CMYA5: variants seen among roughly 807,000 people sequenced by gnomAD.
CMYA5 encodes the protein cardiomyopathy associated 5.
CMYA5 carries 246 observed loss-of-function variants against 318.9 expected under a neutral mutation model. The observed-to-expected ratio is 0.77, with a 90% confidence interval of 0.70 to 0.86. The LOEUF (loss-of-function observed/expected upper bound fraction) is 0.86. Ranked by LOEUF, CMYA5 falls within the 40% of genes least tolerant of loss-of-function variation. The pLI is 0.00. For synonymous variants in CMYA5, 1,641 were observed against 1,729.5 expected (o/e 0.95, Z 1.27); for missense variants, 4,589 against 4,678.2 (o/e 0.98, Z 0.56).
rs189538613 is a variant in CMYA5, at chr5:79,756,967, G to A, written c.11111-1786G>A. ...AGCACTTTGGGAGGCCGAGGCGAGC[G>A]GATCACCTGAGGTCAAGGAGTTTGA... On this transcript the variant is annotated intron_variant, in intron 6 of 12. Transcript: ENST00000446378. 6.3e-3 allele frequency among the ~76,000 whole-genome samples: 966 copies of A among 152,166 alleles called. 10 individuals carry two copies. The highest frequency in any genetic ancestry group is 0.021 in the African/African-American group (886 of 41,524).
At chr5:79,727,725 C>G (rs977931520) in intron 1 of CMYA5, among the ~76,000 whole-genome samples, 3 of 152,136 alleles carry the variant, frequency 2.0e-5, no homozygotes, top group African/African-American at 7.2e-5. Flanking sequence ...TGTCGGGGCT[C>G]TGCATTCTAA....
chr5:79,723,300 G>A (rs751549883), intron 1 of CMYA5, among the ~76,000 whole-genome samples: 9 of 152,028 alleles, frequency 5.9e-5, no homozygotes, highest in Admixed American at 1.3e-4. Flanking sequence ...TTAGCCGGGA[G>A]CAGTGGCAGG....
intron 1 of CMYA5, among the ~76,000 whole-genome samples, chr5:79,690,412 G>A (rs1209818360): frequency 6.6e-6 from 1 of 152,184 alleles, no homozygotes; most frequent in South Asian, 2.1e-4. Flanking sequence ...AGGAGAAGGG[G>A]GTGGGGTGGA....
chr5:79,746,160 T>C (rs538579607), intron 4 of CMYA5, among the ~76,000 whole-genome samples: 1 of 152,330 alleles, frequency 6.6e-6, no homozygotes, highest in Admixed American at 6.5e-5. Flanking sequence ...ATGTTTTCCC[T>C]GAAGGCAGTT....
chr5:79,764,396 C>T (rs1272618726), intron 9 of CMYA5, among the ~76,000 whole-genome samples: 1 of 151,612 alleles, frequency 6.6e-6, no homozygotes, highest in African/African-American at 2.4e-5. Flanking sequence ...TTTATCCAGT[C>T]TATCATTTGG....
chr5:79,752,763 A>G lies in CMYA5; in HGVS notation c.11079A>G (p.Ala3693=), dbSNP rs375225363. Residue 3693 remains alanine, a synonymous_variant, in exon 6 of 13, where the codon GCA becomes GCG. Transcript: ENST00000446378. The part of the protein sequence containing the change: ...SLFEHYDDSS[A]RSDQMLKQVA... ...TCGAACATTATGATGACAGCTCGGC[A>G]AGAAGTGACCAGATGTTAAAACAAG... The G allele has an allele frequency of 5.6e-6, 9 of 1,613,522 alleles. No homozygotes were observed. In the African/African-American group the frequency reaches 1.2e-4, roughly 22 times the overall value.
intron 11 of CMYA5, 50 bp downstream of exon 11, chr5:79,791,119 C>T: frequency 2.2e-6 from 3 of 1,338,920 alleles, no homozygotes; most frequent in Non-Finnish European, 3.2e-6. Flanking sequence ...GCAGTAGGGT[C>T]TTAGGGTGTG....
At position 79,736,417 on chromosome 5, in the gene CMYA5, GA is replaced by G; in HGVS notation, c.7655del (p.Lys2552ArgfsTer11). 1 of 1,608,992 alleles carries G rather than the reference GA, an allele frequency of 6.2e-7. No individual in the cohort carries two copies. Among genetic ancestry groups the G allele is most frequent in the Non-Finnish European group, 8.5e-7 (1 of 1,177,398 alleles). ...KENQVYVLSE[G>X]KKQQEHQPYS... is the part of the protein sequence containing the mutation. The stretch of plus-strand genomic sequence containing the variant: ...AATCAGGTATATGTGCTTTCAGAAG[GA>G]AAGAAGCAGCAGGAACATCAGCCTT... On this transcript the variant is annotated frameshift_variant, in exon 2 of 13. Transcript: ENST00000446378. LOFTEE classifies it high-confidence loss of function.
intron 1 of CMYA5, among the ~76,000 whole-genome samples, chr5:79,714,431 C>CTTTTTTTTTT (rs71615553): frequency 7.9e-5 from 8 of 100,676 alleles, no homozygotes; most frequent in African/African-American, 2.6e-4. Flanking sequence ...TTTTCTTTTT[C>CTTTTTTTTTT]TTTTTTTTTT....
At chr5:79,792,847 A>G (rs1379079529) in intron 11 of CMYA5, among the ~76,000 whole-genome samples, 2 of 152,232 alleles carry the variant, frequency 1.3e-5, no homozygotes, top group Non-Finnish European at 2.9e-5. Flanking sequence ...AAGGGCACCT[A>G]CTACAGTTCA....
Position 79,736,217 on chromosome 5 carries a change from G to T in CMYA5, c.7452G>T (p.Glu2484Asp). 1.2e-6 allele frequency: 2 copies of T among 1,613,596 alleles called. No homozygotes were observed. The highest frequency in any genetic ancestry group is 8.5e-7 in the Non-Finnish European group (1 of 1,179,680). Reference protein sequence around the residue: ...AEKQNSVAPLELRDSNEIGKT... With the variant: ...AEKQNSVAPLDLRDSNEIGKT... ...AACAAAACTCTGTGGCCCCATTAGA[G>T]CTTAGAGATAGTAATGAAATAGGGA... is the stretch of plus-strand genomic sequence containing the variant. Residue 2484 changes from glutamate (E) to aspartate (D), a missense_variant, in exon 2 of 13, where the codon GAG becomes GAT. Glu to Asp is a conservative substitution (Grantham distance 45). This residue lies in a region of CMYA5 where 2,431 missense variants were observed against 2,495.1 expected (regional missense o/e 0.97). Transcript: ENST00000446378.
In CMYA5 at chr5:79,732,086, C is replaced by T; in HGVS notation, c.3321C>T (p.Leu1107=). 6.2e-7 allele frequency: 1 copy of T among 1,613,950 alleles called. No homozygotes were observed. The highest frequency in any genetic ancestry group is 8.5e-7 in the Non-Finnish European group (1 of 1,179,868). The part of the protein sequence containing the change: ...PTTSTSVSEY[L]ILAQKQKTQA... ...CCTCAACATCTGTATCTGAATATCT[C>T]ATTTTGGCACAGAAGCAGAAAACTC... Residue 1107 remains leucine (L), a synonymous_variant, in exon 2 of 13, where the codon CTC becomes CTT. Transcript: ENST00000446378.
intron 1 of CMYA5, among the ~76,000 whole-genome samples, chr5:79,708,927 G>A (rs1276165437): frequency 1.3e-5 from 2 of 152,218 alleles, no homozygotes; most frequent in African/African-American, 2.4e-5. Context: ...GGGTGACAGA[G>A]CAAGACCCTG....
rs1405638482 is a variant in CMYA5 at position 79,730,321 on chromosome 5, CT to C, written c.1557del (p.Glu520AsnfsTer7). ...IETSLPIAIT[P>X]EPEDSNLVEE... ...ACTTCCCTACCCATAGCTATTACCC[CT>C]GAACCTGAAGATTCTAATTTAGTAG... On this transcript the variant is annotated frameshift_variant, in exon 2 of 13. Transcript: ENST00000446378. LOFTEE classifies it high-confidence loss of function. The C allele has an allele frequency of 1.2e-6, 2 of 1,613,566 alleles. No individual in the cohort carries two copies. Among genetic ancestry groups the C allele is most frequent in the South Asian group, 1.1e-5 (1 of 91,040 alleles).
chr5:79,709,885 C>T (rs144915450), intron 1 of CMYA5, among the ~76,000 whole-genome samples: 4,013 of 127,236 alleles, frequency 0.032, 182 homozygotes, highest in African/African-American at 0.11. Context: ...TGCTTGAACC[C>T]GGGAGGCGGA....
chr5:79,728,429 G>A (rs930950281), intron 1 of CMYA5, among the ~76,000 whole-genome samples: 11 of 152,036 alleles, frequency 7.2e-5, no homozygotes, highest in Admixed American at 5.2e-4. Flanking sequence ...GGCACAGTGG[G>A]TTAAGAGTGG....
At chr5:79,762,739 A>G (rs947641879) in intron 8 of CMYA5, 1 of 231,318 alleles carries the variant, frequency 4.3e-6, no homozygotes, top group African/African-American at 2.2e-5. Flanking sequence ...GATCATGGCT[A>G]ACTTGTGTGT....
Position 79,734,942 on chromosome 5 carries a change from G to T in CMYA5, c.6177G>T (p.Gln2059His), listed in dbSNP as rs765741600. The T allele has an allele frequency of 1.9e-6, 3 of 1,613,710 alleles. No homozygotes were observed. The Admixed American group carries it at 5.0e-5, about 27-fold the overall frequency. The change falls in exon 2 of 13, where the codon CAG becomes CAT. Residue 2059 changes from glutamine (Q) to histidine (H), a missense_variant. Gln to His is a conservative substitution (Grantham distance 24, BLOSUM62 0). Transcript: ENST00000446378. ...QKPVSGLSVE[Q>H]VKSETISSSV... Reference sequence around the variant, plus strand: ...CAGTGTCTGGCCTATCAGTGGAACAGGTGAAGTCAGAAACAATCTCCTCTT... The same window carrying T: ...CAGTGTCTGGCCTATCAGTGGAACATGTGAAGTCAGAAACAATCTCCTCTT...
chr5:79,795,353 C>A (rs80192558), intron 12 of CMYA5, among the ~76,000 whole-genome samples: 10,566 of 152,194 alleles, frequency 0.069, 381 homozygotes, highest in East Asian at 0.11. Context: ...GATTTTAAAT[C>A]AACCTACATC....
Sources: gnomAD v4.1 joint callset for allele counts (sites outside exome capture counted in the v4.1 genomes callset) on GRCh38, gnomAD v4.1.1 for gene constraint, gnomAD v4.1.1 regional missense constraint, MANE v1.5 for transcripts, NCBI Gene and HGNC (gene_info 2026-07-23, HGNC 2026-07-21) for gene names.